RELL1: variants seen among roughly 807,000 people sequenced by gnomAD.
The protein encoded by RELL1 is RELT-like protein 1.
Under a neutral mutation model 23.0 loss-of-function variants are expected in RELL1, and 10 were observed. That is an observed-to-expected ratio of 0.43 (90% confidence interval 0.27 to 0.74). The LOEUF (loss-of-function observed/expected upper bound fraction) is 0.74, where lower values mean the gene tolerates loss of function less well. Ranked by LOEUF, RELL1 falls within the 30% of genes least tolerant of loss-of-function variation. The pLI, the probability that RELL1 is intolerant of heterozygous loss-of-function variation, is 0.19. For missense variants in RELL1, 315 were observed against 364.4 expected (o/e 0.86, Z 1.10); for synonymous variants, 146 against 146.8 (o/e 0.99, Z 0.04).
At chr4:37,590,502 G>T (rs1288398226), downstream of RELL1, 1 of 1,613,978 alleles carries the variant, frequency 6.2e-7, no homozygotes, top group South Asian at 1.1e-5. Context: ...ACTGTGTGCT[G>T]CTGGCCTCAG....
At chr4:37,681,242 A>G (rs527280023) in intron 1 of RELL1, among the ~76,000 whole-genome samples, 5 of 152,364 alleles carry the variant, frequency 3.3e-5, no homozygotes, top group African/African-American at 1.2e-4. Flanking sequence ...AAAACTGTTT[A>G]ATATATGTGG....
rs760315057 is a variant in RELL1, at chr4:37,634,928, T to C, written c.639A>G (p.Arg213=). Residue 213 remains arginine (R), a synonymous_variant, in exon 5 of 7, where the codon AGA becomes AGG. Coordinates refer to ENST00000454158, the MANE Select transcript of RELL1 (RefSeq NM_001085400.2). ...CCGTGACCTCGCCTTGGCGCCGTGG[T>C]CTGCTCTCTCTGGACTTGTTAGTGG... ...IKPTNKSRES[R]PRRQGEVTVL... 1 of 1,614,240 alleles carries C rather than the reference T, an allele frequency of 6.2e-7. No homozygotes were observed. The highest frequency in any genetic ancestry group is 8.5e-7 in the Non-Finnish European group (1 of 1,180,048).
intron 1 of RELL1, chr4:37,665,055 T>C (rs954150154): frequency 2.8e-6 from 1 of 352,280 alleles, no homozygotes; most frequent in Non-Finnish European, 5.6e-6. Context: ...GCCTGAAACA[T>C]CTGCTGCAGC....
intron 6 of RELL1, among the ~76,000 whole-genome samples, chr4:37,604,061 A>G (rs1719086537): frequency 1.3e-5 from 2 of 152,130 alleles, no homozygotes; most frequent in South Asian, 4.1e-4. Context: ...AGCTCAAGCA[A>G]TCTGCCCACC....
intron 5 of RELL1, among the ~76,000 whole-genome samples, chr4:37,631,882 C>G (rs982062258): frequency 6.6e-6 from 1 of 151,894 alleles, no homozygotes; most frequent in Non-Finnish European, 1.5e-5. Context: ...GAATTTGAGA[C>G]CAGACTGGGT....
downstream of RELL1, chr4:37,590,607 A>G (rs1239864406): frequency 6.2e-7 from 1 of 1,614,000 alleles, no homozygotes; most frequent in Non-Finnish European, 8.5e-7. Flanking sequence ...TCCAGATACC[A>G]GCCCCAGATT....
Position 37,679,815 on chromosome 4 carries a change from C to T in RELL1, c.88+6385G>A, listed in dbSNP as rs530342452. Among the ~76,000 whole-genome samples, 12 of 151,964 alleles carry T rather than the reference C, an allele frequency of 7.9e-5. No individual in the cohort carries two copies. The East Asian group carries it at 1.2e-3, about 15-fold the overall frequency. On this transcript the variant is annotated intron_variant, in intron 1 of 6. Transcript: ENST00000454158. Reference sequence around the variant, plus strand: ...ACTAAAAATACAAAAATTAGCTGGGCGTGGTGCATGCCTGTAATCCCAGCT... The same window carrying T: ...ACTAAAAATACAAAAATTAGCTGGGTGTGGTGCATGCCTGTAATCCCAGCT...
At chr4:37,630,092 T>C (rs1476411859) in intron 6 of RELL1, among the ~76,000 whole-genome samples, 1 of 152,102 alleles carries the variant, frequency 6.6e-6, no homozygotes, top group Non-Finnish European at 1.5e-5. Context: ...TCAGTTTTGC[T>C]GTGTCCCTGC....
At chr4:37,618,739 T>C (rs1719660051) in intron 6 of RELL1, among the ~76,000 whole-genome samples, 1 of 152,172 alleles carries the variant, frequency 6.6e-6, no homozygotes, top group African/African-American at 2.4e-5. Context: ...GGTCAAAGAG[T>C]ACATATTTAA....
downstream of RELL1, among the ~76,000 whole-genome samples, chr4:37,606,792 A>T (rs181991548): frequency 2.4e-3 from 361 of 152,364 alleles, 9 homozygotes; most frequent in Admixed American, 0.022. The surrounding 1 kb of genome is among the most constrained non-coding windows in gnomAD (Gnocchi z 4.1). Flanking sequence ...ACTCATACAG[A>T]TGGTAAAATT....
intron 6 of RELL1, among the ~76,000 whole-genome samples, chr4:37,592,588 T>C (rs1693898747): frequency 6.6e-6 from 1 of 152,212 alleles, no homozygotes; most frequent in Non-Finnish European, 1.5e-5. Flanking sequence ...GCATTAAGGA[T>C]GCTCAAAACT....
intron 1 of RELL1, among the ~76,000 whole-genome samples, chr4:37,657,482 G>C (rs1721163441): frequency 6.6e-6 from 1 of 152,174 alleles, no homozygotes; most frequent in South Asian, 2.1e-4. Context: ...GAGCAAAAGG[G>C]AGAGACAGAG....
chr4:37,640,120 C>T (rs1280534431), intron 3 of RELL1, among the ~76,000 whole-genome samples: 1 of 152,092 alleles, frequency 6.6e-6, no homozygotes, highest in Non-Finnish European at 1.5e-5. Context: ...GGACACATTG[C>T]CCCATTGCAA....
intron 1 of RELL1, among the ~76,000 whole-genome samples, chr4:37,683,885 T>C (rs1577616432): frequency 1.3e-5 from 2 of 150,388 alleles, no homozygotes; most frequent in African/African-American, 4.9e-5. Context: ...ATGGAGACCA[T>C]CCTGGCTAAC....
chr4:37,604,832 T>TACACAGAC (rs1560323719), intron 6 of RELL1, among the ~76,000 whole-genome samples: 1 of 93,712 alleles, frequency 1.1e-5, no homozygotes, highest in Non-Finnish European at 2.3e-5. Context: ...GACACACACA[T>TACACAGAC]ACACACAGAC....
At chr4:37,632,772 A>G (rs1360514329) in intron 5 of RELL1, among the ~76,000 whole-genome samples, 1 of 152,248 alleles carries the variant, frequency 6.6e-6, no homozygotes, top group African/African-American at 2.4e-5. Flanking sequence ...GATTTTCATT[A>G]AGAATTAAGA....
intron 6 of RELL1, among the ~76,000 whole-genome samples, chr4:37,617,276 C>T (rs1279267774): frequency 6.6e-6 from 1 of 152,146 alleles, no homozygotes; most frequent in East Asian, 1.9e-4. Context: ...TTCATTGATT[C>T]TAATGCACGT....
intron 1 of RELL1, among the ~76,000 whole-genome samples, chr4:37,679,415 T>C (rs1368690319): frequency 1.3e-5 from 2 of 152,258 alleles, no homozygotes; most frequent in Non-Finnish European, 2.9e-5. Context: ...GAAATTTTGC[T>C]ACTTTGAGCA....
At chr4:37,628,478 C>T (rs1720024576) in intron 6 of RELL1, among the ~76,000 whole-genome samples, 1 of 152,164 alleles carries the variant, frequency 6.6e-6, no homozygotes, top group Non-Finnish European at 1.5e-5. Context: ...AATTAATTTA[C>T]TCCATGGATC....
Sources: allele counts gnomAD v4.1 joint callset (sites outside exome capture counted in the v4.1 genomes callset), GRCh38; gene constraint gnomAD v4.1.1; non-coding constraint Gnocchi (gnomAD v3.1); transcripts MANE v1.5; gene names NCBI Gene and HGNC (gene_info 2026-07-23, HGNC 2026-07-21).